NAA25: variants seen among roughly 807,000 people sequenced by gnomAD.
The protein encoded by NAA25 is N-alpha-acetyltransferase 25, NatB auxiliary subunit, also known as N-terminal acetyltransferase B complex subunit NAA25.
A neutral mutation model predicts 132.5 loss-of-function variants in NAA25; 30 were observed. The ratio of observed to expected loss-of-function variants is 0.23; its 90% CI spans 0.17 to 0.31. NAA25 has a LOEUF of 0.31. Ranked by LOEUF, NAA25 falls within the 10% of genes least tolerant of loss-of-function variation. The probability of loss-of-function intolerance (pLI) is 1.00; values close to 1 mark genes in which losing one functional copy is unlikely to be tolerated. For synonymous variants in NAA25, 359 were observed against 401.9 expected (o/e 0.89, Z 1.28); for missense variants, 771 against 1,150.4 (o/e 0.67, Z 4.77).
At chr12:112,108,596 C>A (rs1201316191) in intron 1 of NAA25, 120 bp downstream of exon 1, 5 of 1,101,688 alleles carry the variant, frequency 4.5e-6, no homozygotes, top group Admixed American at 4.7e-5. Flanking sequence ...CCGCGCGGCC[C>A]GCCCCCCTGC....
chr12:112,057,082 G>A (rs1046247811), intron 13 of NAA25, among the ~76,000 whole-genome samples: 1 of 152,130 alleles, frequency 6.6e-6, no homozygotes, highest in African/African-American at 2.4e-5. Flanking sequence ...CAGCTAGTCA[G>A]GAGGCTGAGG....
intron 4 of NAA25, among the ~76,000 whole-genome samples, chr12:112,081,497 CAAAT>C (rs2078972501): frequency 6.6e-6 from 1 of 152,070 alleles, no homozygotes; most frequent in Non-Finnish European, 1.5e-5. Flanking sequence ...TTAGCAAAAA[CAAAT>C]AAACATGCCC....
chr12:112,054,662 C>G (rs2078517603), intron 13 of NAA25, 94 bp from the exon 14 acceptor site: 2 of 1,125,306 alleles, frequency 1.8e-6, no homozygotes, highest in Non-Finnish European at 1.2e-6. Context: ...TCATCACCCC[C>G]CCCAATAAAT....
At position 112,074,655 on chromosome 12, in the gene NAA25, CA is replaced by C; in HGVS notation, c.866+19del. 1 of 1,526,936 alleles carries C rather than the reference CA, an allele frequency of 6.5e-7. No individual in the cohort carries two copies. The highest frequency in any genetic ancestry group is 9.0e-7 in the Non-Finnish European group (1 of 1,112,548). The allele number at this position is 1,526,936 out of a possible 1,614,324, so 94.6% of individuals were successfully genotyped here. On this transcript the variant is annotated intron_variant, in intron 9 of 23. Coordinates refer to ENST00000261745, the MANE Select transcript of NAA25 (RefSeq NM_024953.4). ...TATATTAAAAAGTGCTGTTATAATTCAGGAAAGAAGACAACTTACTGTTCAC... is the reference window on the plus strand; with the variant it reads ...TATATTAAAAAGTGCTGTTATAATTCGGAAAGAAGACAACTTACTGTTCAC...
Position 112,087,618 on chromosome 12 carries a change from C to A in NAA25, c.402+65G>T, listed in dbSNP as rs528477355. 8.0e-5 allele frequency: 92 copies of A among 1,147,284 alleles called. No homozygotes were observed. In the African/African-American group the frequency reaches 1.3e-3, roughly 17 times the overall value. 71.1% of individuals were successfully genotyped at this position (1,147,284 alleles called of 1,614,324 possible). On this transcript the variant is annotated intron_variant, in intron 4 of 23. Coordinates refer to ENST00000261745, the MANE Select transcript of NAA25 (RefSeq NM_024953.4). The stretch of plus-strand genomic sequence containing the variant: ...ACACATACCCAGTGCAGTTAAATCA[C>A]AAGAAAGAGACTTTTGCCTCTAATA...
chr12:112,096,144 A>G (rs1317985701), intron 1 of NAA25, among the ~76,000 whole-genome samples: 1 of 152,210 alleles, frequency 6.6e-6, no homozygotes, highest in Non-Finnish European at 1.5e-5. Flanking sequence ...TGCTCTAAAA[A>G]CAGTCTATTA....
At chr12:112,030,364 T>C (rs1283485759) in intron 23 of NAA25, among the ~76,000 whole-genome samples, 1 of 152,108 alleles carries the variant, frequency 6.6e-6, no homozygotes, top group Non-Finnish European at 1.5e-5. Context: ...TTTTGAGATT[T>C]CTGATTGTTT....
chr12:112,029,391 A>C lies in NAA25; in HGVS notation c.*140T>G. The C allele has an allele frequency of 7.2e-7, 1 of 1,380,878 alleles. No individual in the cohort carries two copies. The allele number at this position is 1,380,878 out of a possible 1,614,324, so 85.5% of individuals were successfully genotyped here. ...CAGTTGTATATATTTAACACCTAAA[A>C]AAATTCACGATCAAAGTCCTTCATG... On this transcript the variant is annotated 3_prime_UTR_variant, in exon 24 of 24. Coordinates refer to ENST00000261745, the MANE Select transcript of NAA25 (RefSeq NM_024953.4).
chr12:112,087,071 C>CTGATTA (rs1251679735), intron 4 of NAA25, among the ~76,000 whole-genome samples: 1 of 151,126 alleles, frequency 6.6e-6, no homozygotes, highest in East Asian at 1.9e-4. Flanking sequence ...ATTAATAATG[C>CTGATTA]TGATTATATT....
Position 112,089,408 on chromosome 12 carries a change from A to G in NAA25, c.283+1318T>C, listed in dbSNP as rs527355382. 4.6e-5 allele frequency among the ~76,000 whole-genome samples: 7 copies of G among 152,338 alleles called. No homozygotes were observed. In the South Asian group the frequency reaches 1.5e-3, roughly 32 times the overall value. ...TTGACATTATCTTGCTTTAAGCTAA[A>G]CATACACTTACCCCATGACTTGAAA... On this transcript the variant is annotated intron_variant, in intron 3 of 23. Coordinates refer to ENST00000261745, the MANE Select transcript of NAA25 (RefSeq NM_024953.4).
rs762316503 is a variant in NAA25 at position 112,026,898 on chromosome 12, T to C, written c.*2633A>G. 11 of 152,542 alleles carry C rather than the reference T, an allele frequency of 7.2e-5. No homozygotes were observed. Among genetic ancestry groups the C allele is most frequent in the African/African-American group, 2.7e-4 (11 of 41,460 alleles). The allele number at this position is 152,542 out of a possible 1,614,324, so 9.4% of individuals were successfully genotyped here. On this transcript the variant is annotated 3_prime_UTR_variant, in exon 24 of 24. Coordinates refer to ENST00000261745, the MANE Select transcript of NAA25 (RefSeq NM_024953.4). ...ATGAAAGACAAATCCAGATTGAACATAGTGATTGCAAAATATAATGCAATT... is the reference window on the plus strand; with the variant it reads ...ATGAAAGACAAATCCAGATTGAACACAGTGATTGCAAAATATAATGCAATT...
chr12:112,088,317 G>GT (rs1025838850), intron 3 of NAA25, among the ~76,000 whole-genome samples: 2,176 of 75,614 alleles, frequency 0.029, 363 homozygotes, highest in South Asian at 0.14. Flanking sequence ...GTATATTGTA[G>GT]TTTTTTTTTT....
chr12:112,030,946 T>A (rs1037463990), intron 23 of NAA25, among the ~76,000 whole-genome samples: 14 of 144,718 alleles, frequency 9.7e-5, no homozygotes, highest in African/African-American at 3.8e-4. Flanking sequence ...AATTTAAAAT[T>A]TTTTTTTTTT....
At chr12:112,092,321 C>T (rs1028604110) in intron 2 of NAA25, among the ~76,000 whole-genome samples, 10 of 151,810 alleles carry the variant, frequency 6.6e-5, no homozygotes, top group African/African-American at 1.9e-4. Context: ...TATAAAGTAC[C>T]GAGAAAAAAA....
chr12:112,083,361 T>G (rs1402168336), intron 4 of NAA25, among the ~76,000 whole-genome samples: 4 of 152,046 alleles, frequency 2.6e-5, no homozygotes, highest in South Asian at 4.1e-4. Flanking sequence ...GAAAATTAAC[T>G]GGGCGTGGTG....
In NAA25 at chr12:112,101,718, T is replaced by C. The variant is rs537735405; in HGVS notation, c.58+6998A>G. On this transcript the variant is annotated intron_variant, in intron 1 of 23. Coordinates refer to ENST00000261745, the MANE Select transcript of NAA25 (RefSeq NM_024953.4). ...GTTGCAGCGAGTGGAGATCACGCCA[T>C]TGCACTCCAGCCCAGGTGACAGAGT... 1.6e-4 allele frequency among the ~76,000 whole-genome samples: 24 copies of C among 151,610 alleles called. No individual in the cohort carries two copies. The South Asian group carries it at 4.0e-3, about 25-fold the overall frequency.
At chr12:112,043,017 T>C in intron 19 of NAA25, 71 bp downstream of exon 19, 1 of 1,445,328 alleles carries the variant, frequency 6.9e-7, no homozygotes, top group South Asian at 1.5e-5. Context: ...AGATGTGAGG[T>C]TATAGACATT....
rs563873763 is a variant in NAA25 at position 112,060,490 on chromosome 12, G to T, written c.1358-131C>A. ...TAAAAGAAAATTAAGAATAAGATAA[G>T]TACCAGGAGAAAAATATAAGCCACG... On this transcript the variant is annotated intron_variant, in intron 12 of 23. Transcript: ENST00000261745. 184 of 607,002 alleles carry T rather than the reference G, an allele frequency of 3.0e-4. 1 individual carries two copies. The highest frequency in any genetic ancestry group is 3.6e-4 in the Middle Eastern group (1 of 2,762). The allele number at this position is 607,002 out of a possible 1,614,324, so 37.6% of individuals were successfully genotyped here. A position where few individuals can be genotyped will look rare whatever the true frequency, so the allele number is the denominator to read the frequency against.
chr12:112,043,747 T>C lies in NAA25; in HGVS notation c.2128A>G (p.Lys710Glu). 6.2e-7 allele frequency: 1 copy of C among 1,614,156 alleles called. No homozygotes were observed. The highest frequency in any genetic ancestry group is 8.5e-7 in the Non-Finnish European group (1 of 1,180,024). ...TTCTCGGCAGTCTTCTCCGAGTTCT[T>C]TGGCTCCACAGGGTGGTTGAGACTT... Reference protein sequence around the residue: ...LPSLNHPVEPKNSEKTAENGV... With the variant: ...LPSLNHPVEPENSEKTAENGV... Residue 710 changes from lysine (K) to glutamate (E), a missense_variant, in exon 18 of 24, where the codon AAG becomes GAG. Coordinates refer to ENST00000261745, the MANE Select transcript of NAA25 (RefSeq NM_024953.4).
Sources: allele counts gnomAD v4.1 joint callset (sites outside exome capture counted in the v4.1 genomes callset), GRCh38; gene constraint gnomAD v4.1.1; transcripts MANE v1.5; gene names NCBI Gene and HGNC (gene_info 2026-07-23, HGNC 2026-07-21).